Variants in APP observed in about 807,000 individuals in gnomAD.
APP encodes amyloid-beta precursor protein.
A neutral mutation model predicts 101.4 loss-of-function variants in APP; 31 were observed. That is an observed-to-expected ratio of 0.31 (90% confidence interval 0.23 to 0.41). APP has a LOEUF of 0.41. Among genes scored for constraint, APP ranks in the 10% least tolerant of loss-of-function variants. The pLI is 1.00. For synonymous variants in APP, 366 were observed against 364.4 expected (o/e 1.00, Z -0.05); for missense variants, 839 against 1,003.7 (o/e 0.84, Z 2.22).
At chr21:26,000,299 G>T in intron 6 of APP, 117 bp from the exon 7 acceptor site, 1 of 1,283,124 alleles carries the variant, frequency 7.8e-7, no homozygotes, top group Non-Finnish European at 1.1e-6. Context: ...TGGTTTATTA[G>T]GCAGCATCTA....
At chr21:26,138,019 T>C (rs1021518093) in intron 1 of APP, among the ~76,000 whole-genome samples, 2 of 152,070 alleles carry the variant, frequency 1.3e-5, no homozygotes, top group Admixed American at 1.3e-4. Context: ...ACTCAGAAAA[T>C]CCTTATGTGA....
At chr21:26,030,778 G>A (rs185747171) in intron 5 of APP, among the ~76,000 whole-genome samples, 87 of 152,284 alleles carry the variant, frequency 5.7e-4, no homozygotes, top group Non-Finnish European at 1.1e-3. Flanking sequence ...AACTGTGAAC[G>A]AGCAAATTCC....
chr21:25,945,260 C>T (rs2040756997), intron 13 of APP, among the ~76,000 whole-genome samples: 1 of 151,638 alleles, frequency 6.6e-6, no homozygotes, highest in African/African-American at 2.4e-5. Flanking sequence ...GAATGGGGCT[C>T]AAGGTGGAAT....
chr21:25,973,943 TAA>T (rs369334912), intron 11 of APP, among the ~76,000 whole-genome samples: 39 of 111,084 alleles, frequency 3.5e-4, no homozygotes, highest in Non-Finnish European at 2.1e-4. Context: ...CCATCTCATT[TAA>T]AAAAAAAAAA....
chr21:26,090,275 C>T (rs917664702), intron 2 of APP, among the ~76,000 whole-genome samples: 21 of 152,268 alleles, frequency 1.4e-4, no homozygotes, highest in Non-Finnish European at 2.1e-4. Flanking sequence ...ATCTGGAATC[C>T]GGAAAGTCCA....
intron 1 of APP, among the ~76,000 whole-genome samples, chr21:26,117,155 A>C (rs1214709897): frequency 2.6e-5 from 4 of 152,206 alleles, no homozygotes; most frequent in Non-Finnish European, 5.9e-5. Flanking sequence ...AAATGTTGGG[A>C]TTACAGGCAT....
chr21:25,969,174 C>CT (rs1393089582), intron 11 of APP, among the ~76,000 whole-genome samples: 1 of 144,598 alleles, frequency 6.9e-6, no homozygotes, highest in Non-Finnish European at 1.5e-5. Flanking sequence ...CCCGTCTCTA[C>CT]TAAAAATACA....
chr21:25,938,663 C>A (rs1335183413), intron 13 of APP, among the ~76,000 whole-genome samples: 1 of 152,154 alleles, frequency 6.6e-6, no homozygotes, highest in Non-Finnish European at 1.5e-5. Context: ...CTTCACTTGG[C>A]CCCAATTACA....
intron 1 of APP, among the ~76,000 whole-genome samples, chr21:26,152,284 CAAAA>C (rs1161739630): frequency 2.8e-5 from 1 of 36,202 alleles, no homozygotes; most frequent in African/African-American, 1.5e-4. Context: ...GACTCCATCT[CAAAA>C]AAAAAAAAAA....
intron 5 of APP, among the ~76,000 whole-genome samples, chr21:26,049,429 G>T (rs1217068030): frequency 2.0e-5 from 3 of 152,158 alleles, no homozygotes; most frequent in African/African-American, 7.2e-5. Context: ...GAGCATGAGA[G>T]AGAGTTACGC....
intron 17 of APP, 104 bp from the exon 18 acceptor site, chr21:25,881,875 C>T (rs2037009563): frequency 1.7e-6 from 2 of 1,193,788 alleles, no homozygotes; most frequent in East Asian, 5.0e-5. Flanking sequence ...CTTCTTTTGC[C>T]AAGATTGCAG....
At chr21:25,935,839 CAAAAAAAAAAAAA>C (rs67114400) in intron 13 of APP, among the ~76,000 whole-genome samples, 1 of 77,052 alleles carries the variant, frequency 1.3e-5, no homozygotes, top group East Asian at 4.1e-4. Flanking sequence ...GACTCTGTCT[CAAAAAAAAAAAAA>C]AAAAAAAAAC....
intron 5 of APP, among the ~76,000 whole-genome samples, chr21:26,046,349 G>A (rs2045608753): frequency 6.6e-6 from 1 of 151,360 alleles, no homozygotes; most frequent in African/African-American, 2.4e-5. Flanking sequence ...GGCAGAGGTT[G>A]CAGTGAGCCA....
chr21:25,976,523 A>G (rs1357404454), intron 9 of APP, among the ~76,000 whole-genome samples: 1 of 152,216 alleles, frequency 6.6e-6, no homozygotes, highest in Non-Finnish European at 1.5e-5. Context: ...ATGGGGGAAG[A>G]AAAAGAAGAC....
chr21:25,931,739 G>A (rs1384715038), intron 13 of APP, among the ~76,000 whole-genome samples: 2 of 152,170 alleles, frequency 1.3e-5, no homozygotes, highest in African/African-American at 4.8e-5. Flanking sequence ...TCTAATTCTT[G>A]ACCTGAGTTT....
At chr21:25,948,156 T>C (rs1383457391) in intron 13 of APP, among the ~76,000 whole-genome samples, 1 of 128,296 alleles carries the variant, frequency 7.8e-6, no homozygotes, top group African/African-American at 3.4e-5. Context: ...CTATTTGCTG[T>C]TATGATTTTT....
intron 5 of APP, among the ~76,000 whole-genome samples, chr21:26,049,136 C>T (rs565933520): frequency 1.5e-4 from 23 of 152,120 alleles, no homozygotes; most frequent in African/African-American, 5.3e-4. Flanking sequence ...GATAGTAACA[C>T]ATGGGAAAGA....
intron 15 of APP, among the ~76,000 whole-genome samples, chr21:25,902,056 T>A (rs2829978): frequency 6.6e-6 from 1 of 152,140 alleles, no homozygotes; most frequent in African/African-American, 2.4e-5. Flanking sequence ...ACCACTGTTA[T>A]TACAATGGTC....
At chr21:26,047,594 T>C (rs2146891307) in intron 5 of APP, among the ~76,000 whole-genome samples, 1 of 152,350 alleles carries the variant, frequency 6.6e-6, no homozygotes, top group South Asian at 2.1e-4. Flanking sequence ...ATACTAATTA[T>C]ACTGAATCCA....
Sources: allele counts gnomAD v4.1 joint callset (sites outside exome capture counted in the v4.1 genomes callset), GRCh38; gene constraint gnomAD v4.1.1; transcripts MANE v1.5; gene names NCBI Gene and HGNC (gene_info 2026-07-23, HGNC 2026-07-21).